PLEKHA3: variants seen among roughly 807,000 people sequenced by gnomAD.
PLEKHA3 encodes the protein pleckstrin homology domain-containing family A member 3.
Under a neutral mutation model 39.2 loss-of-function variants are expected in PLEKHA3, and 19 were observed. The observed-to-expected ratio is 0.48, with a 90% CI of 0.34 to 0.71. The LOEUF (loss-of-function observed/expected upper bound fraction) is 0.71. Among genes scored for constraint, PLEKHA3 ranks in the 30% least tolerant of loss-of-function variants. PLEKHA3 has a pLI of 0.01. For synonymous variants in PLEKHA3, 97 were observed against 118.6 expected (o/e 0.82, Z 1.18); for missense variants, 253 against 359.5 (o/e 0.70, Z 2.40).
chr2:178,486,316 T>G lies in PLEKHA3; in HGVS notation c.157+559T>G, dbSNP rs570218718. On this transcript the variant is annotated intron_variant, in intron 2 of 7. Transcript: ENST00000234453. ...AGATTTTATGGACCATTGATTCATT[T>G]GTGTGTGTGGTTGGAGTGTGTGGGG... is the stretch of plus-strand genomic sequence containing the variant. Among the ~76,000 whole-genome samples, 9 of 152,276 alleles carry G rather than the reference T, an allele frequency of 5.9e-5. No individual in the cohort carries two copies. The South Asian group carries it at 1.9e-3, about 32-fold the overall frequency.
intron 5 of PLEKHA3, 77 bp from the exon 6 acceptor site, chr2:178,499,134 A>G: frequency 7.4e-7 from 1 of 1,351,274 alleles, no homozygotes; most frequent in Non-Finnish European, 1.0e-6. Context: ...TATTATGATA[A>G]TAGTAAATTA....
intron 2 of PLEKHA3, among the ~76,000 whole-genome samples, chr2:178,488,605 T>C: frequency 6.6e-6 from 1 of 152,232 alleles, no homozygotes; most frequent in East Asian, 1.9e-4. Context: ...CTTGTGCAGA[T>C]ATTACATTGT....
chr2:178,491,263 G>A (rs1291849328), intron 3 of PLEKHA3, among the ~76,000 whole-genome samples: 2 of 152,004 alleles, frequency 1.3e-5, no homozygotes, highest in Admixed American at 6.6e-5. Flanking sequence ...CGCTCGCCTC[G>A]GCCTCCCAAA....
chr2:178,481,214 TTC>T (rs1685158578), intron 1 of PLEKHA3, among the ~76,000 whole-genome samples: 1 of 152,246 alleles, frequency 6.6e-6, no homozygotes, highest in Non-Finnish European at 1.5e-5. Context: ...TCCGTCCTTA[TTC>T]ACACTTAGTA....
intron 3 of PLEKHA3, among the ~76,000 whole-genome samples, chr2:178,492,409 G>A (rs1685361189): frequency 7.1e-6 from 1 of 141,104 alleles, no homozygotes; most frequent in Admixed American, 7.8e-5. Flanking sequence ...AGCAAATTGT[G>A]ACACATGCTA....
chr2:178,514,688 T>C lies in PLEKHA3; in HGVS notation c.*10801T>C, dbSNP rs1188538549. ...AAGTGCCAATATTCTTTTTTTTTTT[T>C]TCTCTAAGAAGTACTAGTTTAGGTA... On this transcript the variant is annotated 3_prime_UTR_variant, in exon 8 of 8. Coordinates refer to ENST00000234453, the MANE Select transcript of PLEKHA3 (RefSeq NM_019091.4). 3.3e-5 allele frequency: 5 copies of C among 152,082 alleles called. No homozygotes were observed. The highest frequency in any genetic ancestry group is 2.0e-4 in the Admixed American group (3 of 15,270). 9.4% of individuals were successfully genotyped at this position (152,082 alleles called of 1,614,324 possible).
chr2:178,486,992 A>G (rs1039976652), intron 2 of PLEKHA3, among the ~76,000 whole-genome samples: 14 of 152,272 alleles, frequency 9.2e-5, no homozygotes, highest in Admixed American at 4.6e-4. Context: ...AACTTTATTT[A>G]GGACTATTGT....
rs539210590 is a variant in PLEKHA3 at position 178,505,526 on chromosome 2, T to C, written c.*1639T>C. On this transcript the variant is annotated 3_prime_UTR_variant, in exon 8 of 8. Coordinates refer to ENST00000234453, the MANE Select transcript of PLEKHA3 (RefSeq NM_019091.4). ...AAAAGTTTGATAATGTAGTAAGTTA[T>C]GACGTTGAGCAGGTAATCAGGTTTT... 20 of 151,710 alleles carry C rather than the reference T, an allele frequency of 1.3e-4. 1 individual carries two copies. Among genetic ancestry groups the C allele is most frequent in the Admixed American group, 1.1e-3 (17 of 15,194 alleles). The allele number at this position is 151,710 out of a possible 1,614,324, so 9.4% of individuals were successfully genotyped here.
At chr2:178,503,410 A>T (rs1016319558) in intron 7 of PLEKHA3, among the ~76,000 whole-genome samples, 2 of 151,968 alleles carry the variant, frequency 1.3e-5, no homozygotes, top group African/African-American at 4.8e-5. Flanking sequence ...AACAGCATTA[A>T]AATAGGCTGA....
intron 2 of PLEKHA3, among the ~76,000 whole-genome samples, chr2:178,489,439 T>C (rs1413421914): frequency 6.6e-6 from 1 of 150,666 alleles, no homozygotes; most frequent in African/African-American, 2.4e-5. Flanking sequence ...TTTGTTTTCT[T>C]TTCTTTTCCT....
intron 2 of PLEKHA3, among the ~76,000 whole-genome samples, chr2:178,490,394 C>T (rs1685324920): frequency 1.3e-5 from 2 of 152,186 alleles, no homozygotes; most frequent in African/African-American, 4.8e-5. Context: ...AGGGCTGTCA[C>T]TTCTCAGTAG....
rs1685331746 is a variant in PLEKHA3 at position 178,490,811 on chromosome 2, A to G, written c.310A>G (p.Lys104Glu). 1.9e-6 allele frequency: 3 copies of G among 1,605,304 alleles called. No individual in the cohort carries two copies. Among genetic ancestry groups the G allele is most frequent in the Non-Finnish European group, 2.5e-6 (3 of 1,176,994 alleles). The change falls in exon 3 of 8, where the codon AAA becomes GAA. Residue 104 changes from lysine (K) to glutamate (E), a missense_variant. Coordinates refer to ENST00000234453, the MANE Select transcript of PLEKHA3 (RefSeq NM_019091.4). ...GACTGATACAAGGACTAAAAAAGAA[A>G]AAGGTAACTATAAACTTTTCCCTTG... The part of the protein sequence containing the change: ...CLTDTRTKKE[K>E]EISETSESLK...
chr2:178,481,354 C>T (rs1685160899), intron 1 of PLEKHA3, among the ~76,000 whole-genome samples: 9 of 152,090 alleles, frequency 5.9e-5, no homozygotes, highest in Admixed American at 3.9e-4. Flanking sequence ...ATTTCCTTAA[C>T]ATTTTATTTA....
At chr2:178,496,047 T>C (rs1316160292) in intron 5 of PLEKHA3, among the ~76,000 whole-genome samples, 2 of 152,202 alleles carry the variant, frequency 1.3e-5, no homozygotes, top group Non-Finnish European at 2.9e-5. Flanking sequence ...CGTATATCTT[T>C]AAAGGAGTTA....
chr2:178,488,573 G>T (rs1306991624), intron 2 of PLEKHA3, among the ~76,000 whole-genome samples: 5 of 152,094 alleles, frequency 3.3e-5, no homozygotes, highest in Non-Finnish European at 7.4e-5. Flanking sequence ...TGTTTTTGTT[G>T]TTGTTGTTGT....
chr2:178,488,307 T>TA (rs906346459), intron 2 of PLEKHA3, among the ~76,000 whole-genome samples: 3 of 152,256 alleles, frequency 2.0e-5, no homozygotes, highest in African/African-American at 7.2e-5. Flanking sequence ...TGATACCTTT[T>TA]GAGGAACAGA....
At chr2:178,493,475 T>A (rs1685390030) in intron 3 of PLEKHA3, among the ~76,000 whole-genome samples, 2 of 152,192 alleles carry the variant, frequency 1.3e-5, no homozygotes, top group Admixed American at 1.3e-4. Flanking sequence ...CAGTTTATAT[T>A]GTTAAGAGAA....
At chr2:178,491,992 C>T (rs2154127746) in intron 3 of PLEKHA3, among the ~76,000 whole-genome samples, 1 of 152,284 alleles carries the variant, frequency 6.6e-6, no homozygotes, top group South Asian at 2.1e-4. Context: ...GACCTAATCA[C>T]TTGTTAAAAG....
At chr2:178,486,409 T>C (rs1685251057) in intron 2 of PLEKHA3, among the ~76,000 whole-genome samples, 1 of 152,162 alleles carries the variant, frequency 6.6e-6, no homozygotes, top group African/African-American at 2.4e-5. Context: ...AAGGAAAAAC[T>C]AGAGCACCAG....
Sources: gnomAD v4.1 joint callset for allele counts (sites outside exome capture counted in the v4.1 genomes callset) on GRCh38, gnomAD v4.1.1 for gene constraint, MANE v1.5 for transcripts, NCBI Gene and HGNC (gene_info 2026-07-23, HGNC 2026-07-21) for gene names.